The following ANO3 variants were observed in gnomAD, a reference collection of about 807,000 sequenced individuals.
ANO3 encodes anoctamin-3.
A neutral mutation model predicts 144.8 loss-of-function variants in ANO3; 99 were observed. That is an observed-to-expected ratio of 0.68 (90% CI 0.58 to 0.81). The LOEUF is 0.81. Ranked by LOEUF, ANO3 falls within the 30% of genes least tolerant of loss-of-function variation. ANO3 has a pLI of 0.00. For synonymous variants in ANO3, 414 were observed against 392.6 expected (o/e 1.05, Z -0.64); for missense variants, 905 against 1,202.2 (o/e 0.75, Z 3.66).
intron 4 of ANO3, among the ~76,000 whole-genome samples, chr11:26,502,069 T>G (rs2134125762): frequency 6.6e-6 from 1 of 152,340 alleles, no homozygotes; most frequent in African/African-American, 2.4e-5. Context: ...TTTCCTTTGC[T>G]ATGGTTCCAT....
At position 26,628,865 on chromosome 11, in the gene ANO3, C is replaced by T. The variant is rs150724517; in HGVS notation, c.1873+4367C>T. Among the ~76,000 whole-genome samples the T allele has an allele frequency of 8.0e-3, 1,222 of 152,288 alleles. 10 individuals are homozygous for T. The highest frequency in any genetic ancestry group is 0.013 in the Non-Finnish European group (871 of 68,034). On this transcript the variant is annotated intron_variant, in intron 18 of 26. Coordinates refer to ENST00000256737, the MANE Select transcript of ANO3 (RefSeq NM_031418.4). ...TTATTGGGATAGCTGGTGTCTTCAG[C>T]CTTCTTCTCCTCTATGTGCCTCTAC...
chr11:26,642,464 A>G (rs4427527), intron 22 of ANO3, among the ~76,000 whole-genome samples: 56,731 of 147,526 alleles, frequency 0.38, 11,571 homozygotes, highest in South Asian at 0.49. Flanking sequence ...CGATTCTCCT[A>G]CCTCAGCCTC....
intron 1 of ANO3, among the ~76,000 whole-genome samples, chr11:26,303,326 A>C (rs1854280856): frequency 6.6e-6 from 1 of 152,228 alleles, no homozygotes; most frequent in African/African-American, 2.4e-5. Context: ...ATTTAAAAAA[A>C]AAATGTGGTA....
At chr11:26,488,683 G>A (rs1321393274) in intron 4 of ANO3, among the ~76,000 whole-genome samples, 1 of 152,170 alleles carries the variant, frequency 6.6e-6, no homozygotes, top group African/African-American at 2.4e-5. Flanking sequence ...TGGTCTCACT[G>A]ACTTCAGGAA....
chr11:26,571,578 A>G (rs970216965), intron 14 of ANO3, among the ~76,000 whole-genome samples: 2 of 152,094 alleles, frequency 1.3e-5, no homozygotes, highest in Non-Finnish European at 2.9e-5. Flanking sequence ...GATTTTTTCC[A>G]AAACTATTCT....
At position 26,635,539 on chromosome 11, in the gene ANO3, G is replaced by A. The variant is rs997125977; in HGVS notation, c.2043+469G>A. Among the ~76,000 whole-genome samples the A allele has an allele frequency of 9.2e-5, 14 of 152,138 alleles. No individual in the cohort carries two copies. The South Asian group carries it at 1.5e-3, about 16-fold the overall frequency. ...AACTGCCCAGGAGTAGTATTGTTGGGTTACAGGATAAGCATATTGTATATT... is the reference window on the plus strand; with the variant it reads ...AACTGCCCAGGAGTAGTATTGTTGGATTACAGGATAAGCATATTGTATATT... On this transcript the variant is annotated intron_variant, in intron 20 of 26. Transcript: ENST00000256737.
intron 1 of ANO3, among the ~76,000 whole-genome samples, chr11:26,261,356 C>G (rs1178570111): frequency 6.6e-6 from 1 of 152,144 alleles, no homozygotes; most frequent in Admixed American, 6.6e-5. Context: ...CTGATCCTTA[C>G]CATTCCAATG....
intron 14 of ANO3, among the ~76,000 whole-genome samples, chr11:26,585,101 C>T (rs2132870678): frequency 6.6e-6 from 1 of 152,244 alleles, no homozygotes; most frequent in Admixed American, 6.5e-5. Context: ...CCTCTGACTC[C>T]ATCTCCAAAC....
intron 1 of ANO3, among the ~76,000 whole-genome samples, chr11:26,362,319 A>T (rs1222405540): frequency 6.6e-6 from 1 of 152,200 alleles, no homozygotes; most frequent in Non-Finnish European, 1.5e-5. Flanking sequence ...AATTCTCATA[A>T]CAGTACAAGG....
At chr11:26,447,868 G>A (rs773899248) in intron 3 of ANO3, among the ~76,000 whole-genome samples, 24 of 152,096 alleles carry the variant, frequency 1.6e-4, no homozygotes, top group Non-Finnish European at 2.5e-4. Context: ...AATCTTGGAA[G>A]CCCCACTACC....
intron 1 of ANO3, among the ~76,000 whole-genome samples, chr11:26,203,029 T>C (rs978692850): frequency 3.3e-5 from 5 of 152,074 alleles, no homozygotes; most frequent in Non-Finnish European, 7.4e-5. Context: ...AGCCAATTTG[T>C]AATAGGATTT....
chr11:26,305,042 G>T (rs1564957416), upstream of ANO3, among the ~76,000 whole-genome samples: 1 of 150,864 alleles, frequency 6.6e-6, no homozygotes, highest in East Asian at 2.0e-4. Flanking sequence ...GGTCCAGTTC[G>T]ATCTTCTCAT....
chr11:26,639,307 AGTAGT>A (rs1853068747), intron 21 of ANO3, 66 bp downstream of exon 21: 3 of 1,204,952 alleles, frequency 2.5e-6, no homozygotes, highest in Non-Finnish European at 3.7e-6. Context: ...AGGTGGCGTG[AGTAGT>A]GCTTAAGAAT....
At chr11:26,200,933 C>T (rs1429491629) in intron 1 of ANO3, among the ~76,000 whole-genome samples, 1 of 152,126 alleles carries the variant, frequency 6.6e-6, no homozygotes, top group Non-Finnish European at 1.5e-5. Flanking sequence ...ATCTTTCCTG[C>T]TTTAAATTCT....
rs1021436587 is a variant in ANO3, at chr11:26,585,501, T to C, written c.1448-12864T>C. Among the ~76,000 whole-genome samples, 31 of 152,326 alleles carry C rather than the reference T, an allele frequency of 2.0e-4. 4 individuals carry two copies. The highest frequency in any genetic ancestry group is 1.2e-3 in the Admixed American group (19 of 15,304). On this transcript the variant is annotated intron_variant, in intron 14 of 26. Transcript: ENST00000256737. The stretch of plus-strand genomic sequence containing the variant: ...ACCATCCCTCTGTTGCCATCTTTAT[T>C]TTGAGCCATTGTTCCTTTGCTCTTA...
chr11:26,452,080 T>A (rs1858965439), intron 3 of ANO3, among the ~76,000 whole-genome samples: 2 of 152,172 alleles, frequency 1.3e-5, no homozygotes, highest in South Asian at 4.1e-4. Flanking sequence ...AAAGCCCATC[T>A]GTACATCACC....
chr11:26,302,273 G>C lies in ANO3; in HGVS notation c.155-7372G>C, dbSNP rs145071031. ...GCACTTTGGGAGGCCGAGGCAGGTG[G>C]ATCACGAGGTCAAGAGATTGAGAAT... On this transcript the variant is annotated intron_variant, in intron 1 of 27. Transcript: ENST00000672621. 2.4e-3 allele frequency among the ~76,000 whole-genome samples: 358 copies of C among 152,266 alleles called. 9 individuals are homozygous for C. The East Asian group carries it at 0.024, about 10-fold the overall frequency.
chr11:26,641,390 C>G (rs1316685040), intron 21 of ANO3, among the ~76,000 whole-genome samples: 2 of 152,076 alleles, frequency 1.3e-5, no homozygotes, highest in East Asian at 3.9e-4. Context: ...AAATCCTACC[C>G]AAGGGTCAAT....
chr11:26,301,741 A>G (rs1288130162), intron 1 of ANO3, among the ~76,000 whole-genome samples: 1 of 152,206 alleles, frequency 6.6e-6, no homozygotes, highest in African/African-American at 2.4e-5. Flanking sequence ...AATGCCTTCT[A>G]TGATAAAATG....
Sources: allele counts gnomAD v4.1 joint callset (sites outside exome capture counted in the v4.1 genomes callset), GRCh38; gene constraint gnomAD v4.1.1; transcripts MANE v1.5; gene names NCBI Gene and HGNC (gene_info 2026-07-23, HGNC 2026-07-21).